TRPC4: variants seen among roughly 807,000 people sequenced by gnomAD.
The protein encoded by TRPC4 is transient receptor potential cation channel subfamily C member 4.
A neutral mutation model predicts 99.4 loss-of-function variants in TRPC4; 49 were observed. The observed-to-expected ratio is 0.49, with a 90% CI of 0.39 to 0.63. The LOEUF is 0.63. Among genes scored for constraint, TRPC4 ranks in the 20% least tolerant of loss-of-function variants. The pLI is 0.00. For synonymous variants in TRPC4, 454 were observed against 425.9 expected (o/e 1.07, Z -0.81); for missense variants, 898 against 1,152.9 (o/e 0.78, Z 3.20).
At chr13:37,745,508 G>GTATATATGTATATATACGTATA (rs1566138574) in intron 3 of TRPC4, among the ~76,000 whole-genome samples, 72 of 111,434 alleles carry the variant, frequency 6.5e-4, no homozygotes, top group African/African-American at 2.7e-3. Flanking sequence ...ACGTATATAT[G>GTATATATGTATATATACGTATA]TATATATATA....
chr13:37,794,626 T>C (rs1957202283), intron 1 of TRPC4, among the ~76,000 whole-genome samples: 1 of 152,152 alleles, frequency 6.6e-6, no homozygotes, highest in Admixed American at 6.6e-5. Flanking sequence ...ATTCTATTCG[T>C]CTCTGCTTTT....
chr13:37,678,641 G>A (rs549906969), intron 4 of TRPC4, among the ~76,000 whole-genome samples: 4 of 152,088 alleles, frequency 2.6e-5, no homozygotes, highest in Non-Finnish European at 4.4e-5. Flanking sequence ...AAAAATTCAG[G>A]TCCAGTTGAT....
chr13:37,661,318 TACAAAGAAACCAATATAGGG>T (rs1455388994), intron 6 of TRPC4, among the ~76,000 whole-genome samples: 5 of 152,236 alleles, frequency 3.3e-5, no homozygotes, highest in Non-Finnish European at 7.3e-5. Context: ...TGTTATTACT[TACAAAGAAACCAATATAGGG>T]ACAAAGAAAT....
intron 3 of TRPC4, among the ~76,000 whole-genome samples, chr13:37,716,759 G>A (rs187887617): frequency 4.2e-4 from 64 of 152,072 alleles, no homozygotes; most frequent in African/African-American, 1.1e-3. Context: ...ATTTTTAATC[G>A]TTACAAGTCT....
intron 5 of TRPC4, among the ~76,000 whole-genome samples, chr13:37,673,406 A>C (rs1475112692): frequency 1.3e-5 from 2 of 152,168 alleles, no homozygotes; most frequent in East Asian, 3.9e-4. Context: ...ACATGTTAGA[A>C]TTTTCTAGTT....
intron 1 of TRPC4, among the ~76,000 whole-genome samples, chr13:37,858,184 T>C (rs1288347037): frequency 6.6e-6 from 1 of 151,682 alleles, no homozygotes; most frequent in East Asian, 1.9e-4. Flanking sequence ...TTATTGACCA[T>C]AAGAGAAATG....
At chr13:37,859,951 A>G (rs1959218901) in intron 1 of TRPC4, among the ~76,000 whole-genome samples, 1 of 151,272 alleles carries the variant, frequency 6.6e-6, no homozygotes, top group African/African-American at 2.4e-5. Flanking sequence ...TAGAAATTAT[A>G]TATTTTAAAA....
At chr13:37,733,790 A>G (rs772665426) in intron 3 of TRPC4, among the ~76,000 whole-genome samples, 48 of 152,178 alleles carry the variant, frequency 3.2e-4, no homozygotes, top group Non-Finnish European at 4.0e-4. Context: ...TAATAATCAA[A>G]TCAGATAAGG....
At chr13:37,753,926 G>T (rs1053191067) in intron 2 of TRPC4, among the ~76,000 whole-genome samples, 2 of 152,034 alleles carry the variant, frequency 1.3e-5, no homozygotes, top group Admixed American at 6.6e-5. Flanking sequence ...TTTCTTACTG[G>T]TTTTCCAGGG....
At chr13:37,844,599 C>G (rs1162202583) in intron 1 of TRPC4, among the ~76,000 whole-genome samples, 1 of 152,080 alleles carries the variant, frequency 6.6e-6, no homozygotes, top group Non-Finnish European at 1.5e-5. Context: ...CACGCCAGTT[C>G]ATGGATCTTT....
At chr13:37,777,383 G>T (rs1045779839) in intron 2 of TRPC4, among the ~76,000 whole-genome samples, 5 of 151,816 alleles carry the variant, frequency 3.3e-5, no homozygotes, top group African/African-American at 1.2e-4. Flanking sequence ...GAGAGTGAAG[G>T]GGGAGCTACT....
At chr13:37,866,832 A>G (rs1959776514) in intron 1 of TRPC4, among the ~76,000 whole-genome samples, 1 of 62,948 alleles carries the variant, frequency 1.6e-5, no homozygotes, top group African/African-American at 6.3e-5. Context: ...ACCAGTTTTA[A>G]TGTTTATTTT....
chr13:37,869,038 G>A (rs1034065245), intron 1 of TRPC4, among the ~76,000 whole-genome samples: 1 of 152,006 alleles, frequency 6.6e-6, no homozygotes, highest in African/African-American at 2.4e-5. Flanking sequence ...AGCCTGGGTC[G>A]GGCAACACGG....
intron 3 of TRPC4, among the ~76,000 whole-genome samples, chr13:37,732,040 C>T (rs1176349771): frequency 2.0e-5 from 3 of 152,060 alleles, no homozygotes; most frequent in Non-Finnish European, 4.4e-5. Context: ...GAAGAAAAAA[C>T]AATGTAGCAT....
intron 5 of TRPC4, 109 bp downstream of exon 5, chr13:37,674,119 A>T: frequency 2.9e-6 from 3 of 1,051,592 alleles, no homozygotes; most frequent in Non-Finnish European, 3.9e-6. Flanking sequence ...GATGAATACG[A>T]CATCCGGAAA....
chr13:37,865,213 T>C (rs1959659104), intron 1 of TRPC4, among the ~76,000 whole-genome samples: 1 of 151,506 alleles, frequency 6.6e-6, no homozygotes, highest in Non-Finnish European at 1.5e-5. Context: ...AATTGGAAAA[T>C]TAAAATTTCA....
chr13:37,812,499 G>A (rs1450625800), intron 1 of TRPC4, among the ~76,000 whole-genome samples: 1 of 151,790 alleles, frequency 6.6e-6, no homozygotes, highest in East Asian at 1.9e-4. Context: ...AAAATATATT[G>A]GATCATTGGA....
chr13:37,748,997 C>T (rs79185739), intron 2 of TRPC4, among the ~76,000 whole-genome samples: 1 of 152,018 alleles, frequency 6.6e-6, no homozygotes, highest in African/African-American at 2.4e-5. Flanking sequence ...CTCATGTATA[C>T]AGGGATATAG....
At chr13:37,835,929 GC>G (rs1359555328) in intron 1 of TRPC4, among the ~76,000 whole-genome samples, 6 of 152,102 alleles carry the variant, frequency 3.9e-5, no homozygotes, top group African/African-American at 7.2e-5. Context: ...GTTTGGCTCT[GC>G]CCCCACACAA....
Sources: gnomAD v4.1 joint callset for allele counts (sites outside exome capture counted in the v4.1 genomes callset) on GRCh38, gnomAD v4.1.1 for gene constraint, MANE v1.5 for transcripts, NCBI Gene and HGNC (gene_info 2026-07-23, HGNC 2026-07-21) for gene names.